The following FAM149B1 variants were observed in gnomAD, a reference collection of about 807,000 sequenced individuals.
FAM149B1 encodes the protein primary cilium assembly protein FAM149B1.
FAM149B1 carries 56 observed loss-of-function variants against 75.3 expected under a neutral mutation model. That is an observed-to-expected ratio of 0.74 (90% CI 0.60 to 0.93). The LOEUF is 0.93. FAM149B1 is among the 40% of genes least tolerant of loss of function. The pLI is 0.00. For synonymous variants in FAM149B1, 259 were observed against 256.1 expected, an observed-to-expected ratio of 1.01 and a Z score of -0.11; for missense variants, 639 against 708.4, an observed-to-expected ratio of 0.90 and a Z score of 1.11.
rs1433366290 is a variant in FAM149B1, at chr10:73,242,427, G to C, written c.*1408G>C. On this transcript the variant is annotated 3_prime_UTR_variant, in exon 14 of 14. Transcript: ENST00000242505. Reference sequence around the variant, plus strand: ...CCTTTCAAAGTTAAAGAATCAGAAAGGGGCCTGTAAGAAGTCATTTAGCCC... The same window carrying C: ...CCTTTCAAAGTTAAAGAATCAGAAACGGGCCTGTAAGAAGTCATTTAGCCC... The C allele has an allele frequency of 6.6e-6, 1 of 152,102 alleles. No homozygotes were observed. Among genetic ancestry groups the C allele is most frequent in the Non-Finnish European group, 1.5e-5 (1 of 68,004 alleles). 9.4% of individuals were successfully genotyped at this position (152,102 alleles called of 1,614,324 possible). A position where few individuals can be genotyped will look rare whatever the true frequency, so the allele number is the denominator to read the frequency against.
At chr10:73,189,782 TGTTA>T (rs1175685997) in intron 3 of FAM149B1, among the ~76,000 whole-genome samples, 1 of 152,224 alleles carries the variant, frequency 6.6e-6, no homozygotes, top group Non-Finnish European at 1.5e-5. Flanking sequence ...TGGAAAGGAA[TGTTA>T]GTTACTAGGG....
chr10:73,225,773 A>G (rs968760813), intron 7 of FAM149B1, among the ~76,000 whole-genome samples: 4 of 152,214 alleles, frequency 2.6e-5, no homozygotes, highest in African/African-American at 9.6e-5. Flanking sequence ...ACCCTATACA[A>G]GGTACCTGTA....
rs1038612857 is a variant in FAM149B1 at position 73,168,304 on chromosome 10, C to T, written c.-36C>T. On this transcript the variant is annotated 5_prime_UTR_variant, in exon 1 of 14. Transcript: ENST00000242505. ...CACCCTGGCGTGCCTGCCCCGGCCG[C>T]GGCTGAGGAGGAGGAGGAGGAGGAG... 5.8e-6 allele frequency: 9 copies of T among 1,545,240 alleles called. No individual in the cohort carries two copies. The highest frequency in any genetic ancestry group is 2.5e-5 in the East Asian group (1 of 40,682).
intron 7 of FAM149B1, among the ~76,000 whole-genome samples, chr10:73,219,572 T>C (rs934181055): frequency 5.9e-5 from 9 of 152,188 alleles, no homozygotes; most frequent in Non-Finnish European, 8.8e-5. Context: ...AATAGATCAA[T>C]GGAATAGAAT....
intron 1 of FAM149B1, among the ~76,000 whole-genome samples, chr10:73,169,943 C>A (rs1490315152): frequency 8.9e-6 from 1 of 112,614 alleles, no homozygotes; most frequent in East Asian, 3.8e-4. Flanking sequence ...ATTTTAGCAA[C>A]CATAAATTTA....
chr10:73,180,542 C>T (rs1185027415), intron 3 of FAM149B1, among the ~76,000 whole-genome samples: 2 of 152,224 alleles, frequency 1.3e-5, no homozygotes, highest in Admixed American at 6.5e-5. Context: ...AACTTATAAA[C>T]GTCATACAGA....
At chr10:73,225,798 T>C (rs2043528212) in intron 7 of FAM149B1, among the ~76,000 whole-genome samples, 2 of 152,338 alleles carry the variant, frequency 1.3e-5, no homozygotes, top group South Asian at 4.1e-4. Context: ...TTTTATCTTT[T>C]GTACCATAAT....
In FAM149B1 at chr10:73,236,109, C is replaced by T. The variant is rs1834885549; in HGVS notation, c.1602+791C>T. 6.6e-5 allele frequency among the ~76,000 whole-genome samples: 10 copies of T among 152,284 alleles called. No individual in the cohort carries two copies. The South Asian group carries it at 2.1e-3, about 32-fold the overall frequency. Reference sequence around the variant, plus strand: ...TTGTCCCAACTCATGACCCTTGAACCACAGCAGGCTAAAGCACTGCAAAGT... The same window carrying T: ...TTGTCCCAACTCATGACCCTTGAACTACAGCAGGCTAAAGCACTGCAAAGT... On this transcript the variant is annotated intron_variant, in intron 12 of 13. Coordinates refer to ENST00000242505, the MANE Select transcript of FAM149B1 (RefSeq NM_173348.2).
intron 12 of FAM149B1, 55 bp from the exon 13 acceptor site, chr10:73,239,257 A>G: frequency 1.4e-6 from 2 of 1,439,172 alleles, no homozygotes; most frequent in Non-Finnish European, 1.9e-6. Context: ...CTGCTAAAAT[A>G]TTATCCTTTG....
intron 3 of FAM149B1, among the ~76,000 whole-genome samples, chr10:73,184,549 T>A (rs1415071264): frequency 6.6e-6 from 1 of 152,160 alleles, no homozygotes; most frequent in African/African-American, 2.4e-5. Context: ...GTTTTTTAAC[T>A]ATAAAAAGAT....
intron 7 of FAM149B1, 89 bp downstream of exon 7, chr10:73,210,527 C>A (rs760792937): frequency 1.1e-6 from 1 of 944,012 alleles, no homozygotes; most frequent in East Asian, 2.7e-5. Context: ...CTTCTTAGTG[C>A]AAAAGGTGCG....
At chr10:73,184,314 A>G (rs186653885) in intron 3 of FAM149B1, among the ~76,000 whole-genome samples, 8 of 152,340 alleles carry the variant, frequency 5.3e-5, no homozygotes, top group African/African-American at 1.9e-4. Context: ...TCTAATAACC[A>G]AGTCTTAAAG....
intron 3 of FAM149B1, among the ~76,000 whole-genome samples, chr10:73,179,367 A>G (rs1418801049): frequency 2.6e-5 from 4 of 152,152 alleles, no homozygotes; most frequent in Non-Finnish European, 4.4e-5. Flanking sequence ...CTAATATTTT[A>G]TAAACACTTC....
intron 2 of FAM149B1, among the ~76,000 whole-genome samples, chr10:73,175,426 T>C (rs190452873): frequency 1.3e-3 from 200 of 151,726 alleles, no homozygotes; most frequent in African/African-American, 4.5e-3. Context: ...TCCCAACACT[T>C]TGGGAGGCCG....
rs1413442297 is a variant in FAM149B1, at chr10:73,243,758, A to G, written c.*2739A>G. 7.4e-6 allele frequency: 10 copies of G among 1,343,440 alleles called. No homozygotes were observed. In the East Asian group the frequency reaches 2.1e-4, roughly 28 times the overall value. The allele number at this position is 1,343,440 out of a possible 1,614,324, so 83.2% of individuals were successfully genotyped here. On this transcript the variant is annotated 3_prime_UTR_variant, in exon 14 of 14. Transcript: ENST00000242505. Reference sequence around the variant, plus strand: ...AGGTATGCGGTTATGTCTTAAAAGAAGAAAACAAAATACAACATTCCAAAG... The same window carrying G: ...AGGTATGCGGTTATGTCTTAAAAGAGGAAAACAAAATACAACATTCCAAAG...
In FAM149B1 at chr10:73,228,141, C is replaced by T. The variant is rs780464381; in HGVS notation, c.980C>T (p.Pro327Leu). ...AGTGAACTACATCCTTTGGTGTTAC[C>T]GCGAGTGCCACAGTCTAAGGTGCTG... ...VLSELHPLVL[P>L]RVPQSKVLYI... Residue 327 changes from proline to leucine, a missense_variant, in exon 8 of 14, where the codon CCG (proline) becomes CTG (leucine). By Grantham distance (98) the Pro-to-Leu change is moderately conservative. Transcript: ENST00000242505. 19 of 1,551,316 alleles carry T rather than the reference C, an allele frequency of 1.2e-5. No individual in the cohort carries two copies. Among genetic ancestry groups the T allele is most frequent in the South Asian group, 7.1e-5 (6 of 84,054 alleles).
rs369722504 is a variant in FAM149B1, at chr10:73,182,130, G to A, written c.282+4155G>A. 1.8e-4 allele frequency among the ~76,000 whole-genome samples: 27 copies of A among 150,498 alleles called. No individual in the cohort carries two copies. The East Asian group carries it at 1.9e-3, about 11-fold the overall frequency. ...CCATCCCTTTATTTTCAGTCTGTAT[G>A]TGTCTTTATAGGTGAAGTGTGTTTC... is the stretch of plus-strand genomic sequence containing the variant. On this transcript the variant is annotated intron_variant, in intron 3 of 13. Coordinates refer to ENST00000242505, the MANE Select transcript of FAM149B1 (RefSeq NM_173348.2).
In FAM149B1 at chr10:73,169,610, C is replaced by T. The variant is rs186656526; in HGVS notation, c.47+1224C>T. 6.4e-4 allele frequency among the ~76,000 whole-genome samples: 97 copies of T among 152,008 alleles called. 1 individual carries two copies. Among genetic ancestry groups the T allele is most frequent in the East Asian group, 3.1e-3 (16 of 5,152 alleles). On this transcript the variant is annotated intron_variant, in intron 1 of 13. Coordinates refer to ENST00000242505, the MANE Select transcript of FAM149B1 (RefSeq NM_173348.2). ...TAGCTGAGACTACAGGTGCACACCA[C>T]CACAACTGGCTAATTAAAAAAAAAT... is the stretch of plus-strand genomic sequence containing the variant.
At chr10:73,216,376 C>G (rs1277574982) in intron 7 of FAM149B1, among the ~76,000 whole-genome samples, 5 of 151,948 alleles carry the variant, frequency 3.3e-5, no homozygotes, top group African/African-American at 1.2e-4. Flanking sequence ...TTAAGTGGAC[C>G]ATTTAATGCA....
Sources: gnomAD v4.1 joint callset for allele counts (sites outside exome capture counted in the v4.1 genomes callset) on GRCh38, gnomAD v4.1.1 for gene constraint, MANE v1.5 for transcripts, NCBI Gene and HGNC (gene_info 2026-07-23, HGNC 2026-07-21) for gene names.